The following LRRC4C variants were observed in gnomAD, a reference collection of about 807,000 sequenced individuals.
LRRC4C encodes leucine-rich repeat-containing protein 4C.
In LRRC4C, 5 loss-of-function variants were observed where a neutral mutation model predicts 33.6. The ratio of observed to expected loss-of-function variants is 0.15; its 90% CI spans 0.08 to 0.31. The LOEUF (loss-of-function observed/expected upper bound fraction) is 0.31, where lower values mean the gene tolerates loss of function less well. Ranked by LOEUF, LRRC4C falls within the 10% of genes least tolerant of loss-of-function variation. The pLI is 1.00. For synonymous variants in LRRC4C, 329 were observed against 302.0 expected, an observed-to-expected ratio of 1.09 and a Z score of -0.93; for missense variants, 560 against 796.7, an observed-to-expected ratio of 0.70 and a Z score of 3.58.
chr11:41,279,381 A>ACAC (rs1949585573), intron 1 of LRRC4C, among the ~76,000 whole-genome samples: 20 of 126,378 alleles, frequency 1.6e-4, no homozygotes, highest in East Asian at 8.7e-4. Flanking sequence ...CACACACACA[A>ACAC]ACACACACAC....
At chr11:40,528,541 G>T (rs1956149381) in intron 3 of LRRC4C, among the ~76,000 whole-genome samples, 1 of 151,856 alleles carries the variant, frequency 6.6e-6, no homozygotes. Flanking sequence ...ATTGTCGGTG[G>T]GAATGTAAAA....
intron 1 of LRRC4C, among the ~76,000 whole-genome samples, chr11:41,179,445 G>T (rs1369581678): frequency 3.9e-5 from 6 of 152,172 alleles, no homozygotes; most frequent in Non-Finnish European, 5.9e-5. Context: ...TGATCTGGAA[G>T]CCAATTTCAC....
rs116239078 is a variant in LRRC4C, at chr11:41,348,101, T to C, written c.-496+111330A>G. ...ACGAAAACTGTAACTCTTATCTCTC[T>C]TGAATTTCAAGCCTATGAGTTGTTT... is the stretch of plus-strand genomic sequence containing the variant. On this transcript the variant is annotated intron_variant, in intron 1 of 6. Transcript: ENST00000528697. Among the ~76,000 whole-genome samples the C allele has an allele frequency of 4.2e-3, 646 of 152,316 alleles. 3 individuals carry two copies. The highest frequency in any genetic ancestry group is 0.014 in the African/African-American group (569 of 41,570).
chr11:40,497,172 G>T (rs1954506799), intron 3 of LRRC4C, among the ~76,000 whole-genome samples: 1 of 152,142 alleles, frequency 6.6e-6, no homozygotes, highest in Admixed American at 6.6e-5. Context: ...TTGGGAGGCA[G>T]AGGCGGGCGG....
At chr11:41,254,194 A>C (rs1335229601) in intron 1 of LRRC4C, among the ~76,000 whole-genome samples, 1 of 151,996 alleles carries the variant, frequency 6.6e-6, no homozygotes, top group African/African-American at 2.4e-5. Context: ...ATAAATGAAA[A>C]GGCATGGGAG....
intron 1 of LRRC4C, among the ~76,000 whole-genome samples, chr11:41,351,712 A>C (rs1452726941): frequency 4.6e-5 from 7 of 152,234 alleles, no homozygotes; most frequent in African/African-American, 1.7e-4. Flanking sequence ...TTAATGCATT[A>C]AAAATACATT....
At chr11:41,070,533 A>G (rs1938600851) in intron 1 of LRRC4C, among the ~76,000 whole-genome samples, 1 of 152,172 alleles carries the variant, frequency 6.6e-6, no homozygotes, top group South Asian at 2.1e-4. Flanking sequence ...CAAAGGTCTA[A>G]TATCCAGAAT....
intron 1 of LRRC4C, among the ~76,000 whole-genome samples, chr11:41,212,880 T>G (rs1396534158): frequency 6.6e-6 from 1 of 152,230 alleles, no homozygotes. Context: ...TTAGGTTGAT[T>G]CCATGTACCT....
intron 1 of LRRC4C, among the ~76,000 whole-genome samples, chr11:41,418,293 T>C (rs568310989): frequency 1.2e-4 from 18 of 152,100 alleles, no homozygotes; most frequent in African/African-American, 4.3e-4. Context: ...CTTGTGAAAT[T>C]AGCCATTCAC....
At chr11:41,136,937 G>C (rs775680519) in intron 1 of LRRC4C, among the ~76,000 whole-genome samples, 33 of 152,132 alleles carry the variant, frequency 2.2e-4, no homozygotes, top group Middle Eastern at 3.4e-3. Flanking sequence ...AAAAGTGTTT[G>C]GTTTCAACTG....
chr11:40,661,113 G>A (rs908125377), intron 2 of LRRC4C, among the ~76,000 whole-genome samples: 4 of 151,892 alleles, frequency 2.6e-5, no homozygotes, highest in African/African-American at 9.7e-5. Flanking sequence ...TATCCTATCT[G>A]GCATCTTCAA....
intron 2 of LRRC4C, among the ~76,000 whole-genome samples, chr11:40,649,513 G>T (rs751107527): frequency 4.1e-4 from 63 of 152,084 alleles, no homozygotes; most frequent in Non-Finnish European, 4.6e-4. Context: ...CTGTCATTCT[G>T]TTCTTTTTCA....
At chr11:40,826,489 C>G (rs1258895187) in intron 2 of LRRC4C, among the ~76,000 whole-genome samples, 1 of 151,784 alleles carries the variant, frequency 6.6e-6, no homozygotes, top group Non-Finnish European at 1.5e-5. Context: ...CCATACGCCC[C>G]CTTCTTTAAA....
At chr11:40,356,894 A>C (rs1415248967) in intron 3 of LRRC4C, among the ~76,000 whole-genome samples, 1 of 152,164 alleles carries the variant, frequency 6.6e-6, no homozygotes, top group Non-Finnish European at 1.5e-5. Context: ...CATTTACACC[A>C]ACCATTAGAA....
chr11:40,131,441 C>A (rs1186653500), intron 6 of LRRC4C, among the ~76,000 whole-genome samples: 1 of 152,046 alleles, frequency 6.6e-6, no homozygotes, highest in Admixed American at 6.6e-5. Context: ...GCAGCAGTAA[C>A]CTGTATCCTA....
chr11:40,655,316 G>A (rs1014761702), intron 2 of LRRC4C, among the ~76,000 whole-genome samples: 3 of 152,120 alleles, frequency 2.0e-5, no homozygotes, highest in Non-Finnish European at 4.4e-5. Flanking sequence ...TAACACAAAG[G>A]CTATTTGAAT....
At chr11:41,347,056 T>C (rs1951826448) in intron 1 of LRRC4C, among the ~76,000 whole-genome samples, 1 of 152,186 alleles carries the variant, frequency 6.6e-6, no homozygotes, top group Non-Finnish European at 1.5e-5. Flanking sequence ...TTTAATTAAT[T>C]TGAAATGTAT....
intron 2 of LRRC4C, among the ~76,000 whole-genome samples, chr11:40,725,042 T>C (rs1442832156): frequency 1.3e-5 from 2 of 152,162 alleles, no homozygotes; most frequent in Admixed American, 1.3e-4. Context: ...AGGAGAAAGC[T>C]ACCCTGTCCT....
rs151015007 is a variant in LRRC4C at position 41,330,757 on chromosome 11, G to A, written c.-496+128674C>T. Among the ~76,000 whole-genome samples, 1,381 of 151,684 alleles carry A rather than the reference G, an allele frequency of 9.1e-3. 16 individuals are homozygous for A. Among genetic ancestry groups the A allele is most frequent in the Non-Finnish European group, 0.014 (931 of 67,942 alleles). ...TAAGATTTTTAGTATATATGCATACGTTTTATAAGATTATAAATACATATT... is the reference window on the plus strand; with the variant it reads ...TAAGATTTTTAGTATATATGCATACATTTTATAAGATTATAAATACATATT... On this transcript the variant is annotated intron_variant, in intron 1 of 6. Transcript: ENST00000528697.
Sources: gnomAD v4.1 joint callset for allele counts (sites outside exome capture counted in the v4.1 genomes callset) on GRCh38, gnomAD v4.1.1 for gene constraint, MANE v1.5 for transcripts, NCBI Gene and HGNC (gene_info 2026-07-23, HGNC 2026-07-21) for gene names.